The following RASGEF1C variants were observed in gnomAD, a reference collection of about 807,000 sequenced individuals.
The protein encoded by RASGEF1C is RasGEF domain family member 1C.
In RASGEF1C, 27 loss-of-function variants were observed where a neutral mutation model predicts 58.1. That is an observed-to-expected ratio of 0.46 (90% CI 0.34 to 0.64). The LOEUF (loss-of-function observed/expected upper bound fraction) is 0.64. Among genes scored for constraint, RASGEF1C ranks in the 30% least tolerant of loss-of-function variants. RASGEF1C has a pLI of 0.01. For missense variants in RASGEF1C, 502 were observed against 605.1 expected, an observed-to-expected ratio of 0.83 and a Z score of 1.79; for synonymous variants, 243 against 246.3, an observed-to-expected ratio of 0.99 and a Z score of 0.13.
rs1172555407 is a variant in RASGEF1C, at chr5:180,155,910, T to TC, written c.-6-17853dup. Among the ~76,000 whole-genome samples the TC allele has an allele frequency of 1.3e-5, 2 of 151,946 alleles. No individual in the cohort carries two copies. Among genetic ancestry groups the TC allele is most frequent in the African/African-American group, 4.8e-5 (2 of 41,438 alleles). On this transcript the variant is annotated intron_variant, in intron 1 of 13. Coordinates refer to ENST00000361132, the MANE Select transcript of RASGEF1C (RefSeq NM_175062.4). The surrounding 1 kb of genome is among the most constrained non-coding windows in gnomAD (Gnocchi z 5.2). ...CGGAGTCCTGGCCAAGAGGGCACTG[T>TC]CCCCCCCTCACTGCTGAGCAAGCAA...
At chr5:180,172,013 G>A (rs997367642) in intron 1 of RASGEF1C, among the ~76,000 whole-genome samples, 87 of 152,292 alleles carry the variant, frequency 5.7e-4, no homozygotes, top group Middle Eastern at 3.4e-3. Flanking sequence ...GTGCACTAAA[G>A]GCCGACACCC....
At chr5:180,163,971 C>T (rs1437927861) in intron 1 of RASGEF1C, among the ~76,000 whole-genome samples, 1 of 152,156 alleles carries the variant, frequency 6.6e-6, no homozygotes, top group Non-Finnish European at 1.5e-5. Flanking sequence ...AAGTTAGTTG[C>T]TTTCAAGGAA....
chr5:180,105,389 C>T (rs776600027), intron 12 of RASGEF1C, among the ~76,000 whole-genome samples: 21 of 151,756 alleles, frequency 1.4e-4, no homozygotes, highest in Non-Finnish European at 3.1e-4. Flanking sequence ...GGTGAAACCC[C>T]GTCTCTACTA....
intron 1 of RASGEF1C, among the ~76,000 whole-genome samples, chr5:180,159,178 T>C (rs988711397): frequency 2.0e-5 from 3 of 151,924 alleles, no homozygotes; most frequent in Admixed American, 6.6e-5. Context: ...CTCACTCTGT[T>C]GCCCAGGCTG....
At chr5:180,176,556 C>G (rs1767227518) in intron 1 of RASGEF1C, among the ~76,000 whole-genome samples, 1 of 138,388 alleles carries the variant, frequency 7.2e-6, no homozygotes, top group Non-Finnish European at 1.6e-5. Flanking sequence ...AAGGCTAATA[C>G]TTTTTTTTTT....
In RASGEF1C at chr5:180,111,528, AC is replaced by A; in HGVS notation, c.1231del (p.Val411TrpfsTer48). The A allele has an allele frequency of 6.2e-7, 1 of 1,614,114 alleles. No homozygotes were observed. Among genetic ancestry groups the A allele is most frequent in the South Asian group, 1.1e-5 (1 of 91,086 alleles). The part of the protein sequence containing the change: ...QVGEFITWKQ[V>X]ECPFEQDASI... ...GGCGTCTTGCTCGAAGGGACACTCC[AC>A]TTGTTTCCAGGTGATGAACTCCCCC... On this transcript the variant is annotated frameshift_variant, in exon 12 of 14. Coordinates refer to ENST00000361132, the MANE Select transcript of RASGEF1C (RefSeq NM_175062.4). LOFTEE classifies it high-confidence loss of function.
At chr5:180,178,398 G>T (rs1400556165) in intron 1 of RASGEF1C, among the ~76,000 whole-genome samples, 1 of 147,054 alleles carries the variant, frequency 6.8e-6, no homozygotes, top group Non-Finnish European at 1.5e-5. Context: ...TCCTGCCTCA[G>T]TCTCCCAAGT....
intron 1 of RASGEF1C, among the ~76,000 whole-genome samples, chr5:180,141,686 T>C (rs1459958451): frequency 6.6e-6 from 1 of 151,232 alleles, no homozygotes; most frequent in East Asian, 1.9e-4. Context: ...AGGGTTAAAA[T>C]GATACATTTT....
intron 12 of RASGEF1C, among the ~76,000 whole-genome samples, chr5:180,103,268 G>A (rs569843614): frequency 2.1e-4 from 32 of 152,206 alleles, no homozygotes; most frequent in South Asian, 8.3e-4. Context: ...TAGTAGAGAT[G>A]GGGTTTCACC....
At chr5:180,102,568 T>C (rs1167298717) in intron 12 of RASGEF1C, among the ~76,000 whole-genome samples, 2 of 152,212 alleles carry the variant, frequency 1.3e-5, no homozygotes, top group African/African-American at 4.8e-5. Flanking sequence ...TAATTATTTG[T>C]ATAAGGTGTG....
intron 1 of RASGEF1C, among the ~76,000 whole-genome samples, chr5:180,175,354 C>T (rs191497527): frequency 1.4e-4 from 21 of 152,332 alleles, no homozygotes; most frequent in African/African-American, 4.6e-4. Context: ...GCCCAGGCCT[C>T]GCCCCAGCTC....
chr5:180,178,275 C>CTTTT (rs5873679), intron 1 of RASGEF1C, among the ~76,000 whole-genome samples: 2 of 32,698 alleles, frequency 6.1e-5, no homozygotes, highest in Non-Finnish European at 5.1e-5. Context: ...ACCCGGCTGG[C>CTTTT]TTTTTTTTTT....
At chr5:180,149,399 C>CTT (rs1329360262) in intron 1 of RASGEF1C, among the ~76,000 whole-genome samples, 8 of 151,502 alleles carry the variant, frequency 5.3e-5, no homozygotes, top group Admixed American at 3.3e-4. Flanking sequence ...GCCAAGGCCT[C>CTT]TAAGGTTTCC....
At position 180,126,375 on chromosome 5, in the gene RASGEF1C, C is replaced by A. The variant is rs373928112; in HGVS notation, c.714+1234G>T. Among the ~76,000 whole-genome samples the A allele has an allele frequency of 2.0e-5, 3 of 152,158 alleles. No individual in the cohort carries two copies. In the East Asian group the frequency reaches 5.8e-4, roughly 29 times the overall value. On this transcript the variant is annotated intron_variant, in intron 6 of 13. Coordinates refer to ENST00000361132, the MANE Select transcript of RASGEF1C (RefSeq NM_175062.4). Reference sequence around the variant, plus strand: ...TGAGCGGAGACCGCGCCCCTGCACTCCAGCCTGGGCGACAGAGTGAGATCC... The same window carrying A: ...TGAGCGGAGACCGCGCCCCTGCACTACAGCCTGGGCGACAGAGTGAGATCC...
At chr5:180,187,073 C>T (rs2113329760) in intron 1 of RASGEF1C, among the ~76,000 whole-genome samples, 1 of 152,324 alleles carries the variant, frequency 6.6e-6, no homozygotes, top group South Asian at 2.1e-4. Context: ...ACTCACACTT[C>T]CTGATTTCAA....
rs1766514187 is a variant in RASGEF1C at position 180,137,940 on chromosome 5, G to A, written c.113C>T (p.Pro38Leu). 6.2e-7 allele frequency: 1 copy of A among 1,613,086 alleles called. No individual in the cohort carries two copies. Among genetic ancestry groups the A allele is most frequent in the African/African-American group, 1.3e-5 (1 of 74,896 alleles). Residue 38 changes from proline to leucine, a missense_variant, in exon 2 of 14, where the codon CCA becomes CTA. Transcript: ENST00000361132. This position sits in a 1 kb window ranked among gnomAD's most constrained non-coding sequence, Gnocchi z 4.1. ...CAGTGTTTCCAGGGAGGCTGAGGATGGCGCTCCATCCAGGAGGGGCTGCCC... is the reference window on the plus strand; with the variant it reads ...CAGTGTTTCCAGGGAGGCTGAGGATAGCGCTCCATCCAGGAGGGGCTGCCC... ...QAGQPLLDGA[P>L]SSASLETLIQ...
At chr5:180,196,505 G>GA (rs938035774) in intron 1 of RASGEF1C, among the ~76,000 whole-genome samples, 6 of 127,934 alleles carry the variant, frequency 4.7e-5, no homozygotes, top group Non-Finnish European at 6.8e-5. Flanking sequence ...TCTCAAAAAA[G>GA]AAAAAAAAAG....
At chr5:180,138,558 T>C (rs1375409282) in intron 1 of RASGEF1C, among the ~76,000 whole-genome samples, 2 of 152,122 alleles carry the variant, frequency 1.3e-5, no homozygotes, top group African/African-American at 2.4e-5. Flanking sequence ...ACTGGGGCCA[T>C]TGTGGCAGGA....
chr5:180,116,194 A>T (rs1388327001), intron 10 of RASGEF1C, among the ~76,000 whole-genome samples: 1 of 152,118 alleles, frequency 6.6e-6, no homozygotes, highest in African/African-American at 2.4e-5. Context: ...GCAGCAGCCA[A>T]ACAGGCCTTT....
Sources: gnomAD v4.1 joint callset for allele counts (sites outside exome capture counted in the v4.1 genomes callset) on GRCh38, gnomAD v4.1.1 for gene constraint, Gnocchi (gnomAD v3.1) non-coding constraint, MANE v1.5 for transcripts, NCBI Gene and HGNC (gene_info 2026-07-23, HGNC 2026-07-21) for gene names.